Variants in ERC1 observed in about 807,000 individuals in gnomAD.
The protein encoded by ERC1 is RAB6 interacting protein 2.
A neutral mutation model predicts 132.0 loss-of-function variants in ERC1; 56 were observed. That is an observed-to-expected ratio of 0.42 (90% confidence interval 0.34 to 0.53). The LOEUF (loss-of-function observed/expected upper bound fraction) is 0.53, where lower values mean the gene tolerates loss of function less well. Ranked by LOEUF, ERC1 falls within the 20% of genes least tolerant of loss-of-function variation. ERC1 has a pLI of 0.03. For synonymous variants in ERC1, 478 were observed against 476.1 expected, an observed-to-expected ratio of 1.00 and a Z score of -0.05; for missense variants, 1,202 against 1,349.9, an observed-to-expected ratio of 0.89 and a Z score of 1.72.
At chr12:1,369,013 GAA>G (rs2086924151) in intron 15 of ERC1, among the ~76,000 whole-genome samples, 1 of 152,120 alleles carries the variant, frequency 6.6e-6, no homozygotes, top group Admixed American at 6.6e-5. Context: ...TCATAGGAGA[GAA>G]AGTTTGATTC....
At chr12:1,401,834 T>A (rs796421899) in intron 16 of ERC1, among the ~76,000 whole-genome samples, 5 of 151,944 alleles carry the variant, frequency 3.3e-5, no homozygotes, top group African/African-American at 1.2e-4. Context: ...ATTAAAAACT[T>A]AGTGGCAAGT....
chr12:1,154,076 A>C (rs575784460), intron 8 of ERC1, among the ~76,000 whole-genome samples: 18 of 152,122 alleles, frequency 1.2e-4, no homozygotes, highest in Middle Eastern at 6.8e-3. Flanking sequence ...CTTATGAGTG[A>C]GAACATGCAG....
chr12:1,486,759 A>G (rs1486116857), intron 18 of ERC1, among the ~76,000 whole-genome samples: 1 of 152,182 alleles, frequency 6.6e-6, no homozygotes, highest in Non-Finnish European at 1.5e-5. Flanking sequence ...CACTTTTTAA[A>G]TTGCGGAAAA....
intron 7 of ERC1, among the ~76,000 whole-genome samples, chr12:1,117,201 TAAG>T (rs1235720913): frequency 6.6e-6 from 1 of 151,700 alleles, no homozygotes; most frequent in Non-Finnish European, 1.5e-5. Flanking sequence ...TAAAGAAAAA[TAAG>T]AACATAATTT....
chr12:1,343,927 C>T (rs550243100), intron 15 of ERC1, among the ~76,000 whole-genome samples: 71 of 152,188 alleles, frequency 4.7e-4, no homozygotes, highest in South Asian at 1.9e-3. Flanking sequence ...CTGTAAGCTC[C>T]GCCTTTCAGG....
At chr12:1,157,320 G>A (rs1488941986) in intron 8 of ERC1, among the ~76,000 whole-genome samples, 2 of 152,196 alleles carry the variant, frequency 1.3e-5, no homozygotes, top group Admixed American at 1.3e-4. Context: ...GCCCAGGCTG[G>A]CCTTGAACTG....
intron 11 of ERC1, among the ~76,000 whole-genome samples, chr12:1,184,964 G>A (rs1954908221): frequency 6.6e-6 from 1 of 152,154 alleles, no homozygotes; most frequent in Non-Finnish European, 1.5e-5. Context: ...AGGTTGGAGT[G>A]CAGTGGCACA....
At position 1,155,403 on chromosome 12, in the gene ERC1, G is replaced by GA. The variant is rs200196123; in HGVS notation, c.1737+13624dup. On this transcript the variant is annotated intron_variant, in intron 8 of 18. Transcript: ENST00000360905. ...TACCCAAAGGAAAAGAAGTCATTCT[G>GA]AAAAAAAAGACATCTATGATATGGA... Among the ~76,000 whole-genome samples the GA allele has an allele frequency of 3.2e-3, 469 of 148,448 alleles. 1 individual carries two copies. The highest frequency in any genetic ancestry group is 9.7e-3 in the African/African-American group (392 of 40,440).
chr12:1,049,784 C>G (rs959207214), intron 2 of ERC1, among the ~76,000 whole-genome samples: 47 of 136,860 alleles, frequency 3.4e-4, no homozygotes, highest in African/African-American at 1.3e-3. Context: ...TGGAGTCTCA[C>G]TCTTGTTGCC....
rs71055117 is a variant in ERC1 at position 1,002,160 on chromosome 12, C to CTT, written c.-157+10870_-157+10871dup. Among the ~76,000 whole-genome samples the CTT allele has an allele frequency of 5.0e-3, 191 of 38,486 alleles. 27 individuals are homozygous for CTT. Among genetic ancestry groups the CTT allele is most frequent in the African/African-American group, 0.011 (98 of 9,088 alleles). 25.2% of individuals were successfully genotyped at this position (38,486 alleles called of 152,430 possible). A position where few individuals can be genotyped will look rare whatever the true frequency, so the allele number is the denominator to read the frequency against. ...CACAGGTGTGAGCCACCATGCCCGG[C>CTT]TTTTTTTTTTTTTTTTTTTTTTTTT... On this transcript the variant is annotated intron_variant, in intron 1 of 18. Transcript: ENST00000360905.
chr12:1,077,921 A>G (rs1314458588), intron 2 of ERC1, among the ~76,000 whole-genome samples: 1 of 152,194 alleles, frequency 6.6e-6, no homozygotes, highest in Non-Finnish European at 1.5e-5. Context: ...ATGTTGGTTT[A>G]TATTTTAGTG....
intron 16 of ERC1, among the ~76,000 whole-genome samples, chr12:1,399,877 C>T (rs886363925): frequency 3.9e-5 from 6 of 152,108 alleles, no homozygotes; most frequent in African/African-American, 2.4e-5. Context: ...CATGGAAACA[C>T]GTTTTCAGTT....
chr12:1,461,791 C>T (rs1477161953), intron 18 of ERC1, among the ~76,000 whole-genome samples: 1 of 152,242 alleles, frequency 6.6e-6, no homozygotes, highest in South Asian at 2.1e-4. Flanking sequence ...ACATATATTG[C>T]TAAAACTACC....
chr12:1,386,022 A>G (rs1029190942), intron 16 of ERC1: 1 of 147,550 alleles, frequency 6.8e-6, no homozygotes, highest in African/African-American at 2.6e-5. Context: ...AGCTTCTTGC[A>G]ATGCAGCCCT....
intron 2 of ERC1, among the ~76,000 whole-genome samples, chr12:1,054,613 G>A (rs1032070260): frequency 1.3e-5 from 2 of 152,062 alleles, no homozygotes; most frequent in African/African-American, 2.4e-5. Context: ...GGCATGCTTT[G>A]TGAGTATCTG....
chr12:1,444,533 T>C, intron 17 of ERC1, 29 bp from the exon 18 acceptor site: 1 of 1,491,852 alleles, frequency 6.7e-7, no homozygotes, highest in Non-Finnish European at 9.2e-7. Context: ...CCTCATTTTA[T>C]TTTATTTTAT....
At position 1,425,162 on chromosome 12, in the gene ERC1, T is replaced by C. The variant is rs143146755; in HGVS notation, c.3024+16915T>C. The stretch of plus-strand genomic sequence containing the variant: ...AGGAGTATTATTTCCTTTAAATTTG[T>C]GTTTCTGTTGTGTAAACAAAACTAT... On this transcript the variant is annotated intron_variant, in intron 17 of 18. Coordinates refer to ENST00000360905, the MANE Select transcript of ERC1 (RefSeq NM_178040.4). Among the ~76,000 whole-genome samples, 82 of 152,332 alleles carry C rather than the reference T, an allele frequency of 5.4e-4. 1 individual carries two copies. The highest frequency in any genetic ancestry group is 3.4e-3 in the Middle Eastern group (1 of 294).
At chr12:1,301,117 C>T (rs1348805675) in intron 15 of ERC1, among the ~76,000 whole-genome samples, 3 of 148,540 alleles carry the variant, frequency 2.0e-5, no homozygotes, top group Non-Finnish European at 3.0e-5. Context: ...TATGTTCTCA[C>T]TTATAAGTGG....
intron 15 of ERC1, among the ~76,000 whole-genome samples, chr12:1,356,091 C>T (rs765947518): frequency 1.3e-4 from 20 of 151,824 alleles, no homozygotes; most frequent in African/African-American, 4.4e-4. Flanking sequence ...GTGGTCCCAG[C>T]TACTTGCAGG....
Sources: allele counts gnomAD v4.1 joint callset (sites outside exome capture counted in the v4.1 genomes callset), GRCh38; gene constraint gnomAD v4.1.1; transcripts MANE v1.5; gene names NCBI Gene and HGNC (gene_info 2026-07-23, HGNC 2026-07-21).